DLGAP2: variants seen among roughly 807,000 people sequenced by gnomAD.
The protein encoded by DLGAP2 is disks large-associated protein 2.
DLGAP2 carries 26 observed loss-of-function variants against 100.3 expected under a neutral mutation model. That is an observed-to-expected ratio of 0.26 (90% CI 0.19 to 0.36). DLGAP2 has a LOEUF of 0.36. DLGAP2 is among the 10% of genes least tolerant of loss of function. The pLI, the probability that DLGAP2 is intolerant of heterozygous loss-of-function variation, is 1.00. For synonymous variants in DLGAP2, 886 were observed against 630.1 expected, an observed-to-expected ratio of 1.41 and a Z score of -6.08; for missense variants, 1,858 against 1,453.2, an observed-to-expected ratio of 1.28 and a Z score of -4.53.
rs150741091 is a variant in DLGAP2 at position 1,476,221 on chromosome 8, T to G, written c.107-25145T>G. On this transcript the variant is annotated intron_variant, in intron 3 of 14. Transcript: ENST00000637795. ...GCGTGGCTCGTCCTGGTACATCTCT[T>G]AGCTTTTAGTTCCATTTCTGTACGT... Among the ~76,000 whole-genome samples the G allele has an allele frequency of 5.3e-4, 81 of 152,336 alleles. 1 individual carries two copies. The East Asian group carries it at 0.012, about 22-fold the overall frequency.
intron 2 of DLGAP2, among the ~76,000 whole-genome samples, chr8:1,116,885 G>C (rs1392701912): frequency 1.3e-5 from 2 of 152,206 alleles, no homozygotes; most frequent in African/African-American, 4.8e-5. Flanking sequence ...CTCTGAGTCT[G>C]AACACAGTTG....
chr8:1,543,267 C>G (rs1212882139), intron 4 of DLGAP2, among the ~76,000 whole-genome samples: 1 of 152,088 alleles, frequency 6.6e-6, no homozygotes, highest in African/African-American at 2.4e-5. Flanking sequence ...AAACCATTGC[C>G]TGGTTCACAG....
intron 2 of DLGAP2, among the ~76,000 whole-genome samples, chr8:1,256,104 T>A (rs1480521431): frequency 7.5e-6 from 1 of 133,558 alleles, no homozygotes. Context: ...GGGCGCTGTG[T>A]GTGTGTCCTC....
chr8:1,705,802 CTT>C lies in DLGAP2; in HGVS notation c.*4397_*4398del, dbSNP rs1278949181. The C allele has an allele frequency of 6.6e-6, 1 of 152,106 alleles. No individual in the cohort carries two copies. Among genetic ancestry groups the C allele is most frequent in the Admixed American group, 6.5e-5 (1 of 15,286 alleles). 9.4% of individuals were successfully genotyped at this position (152,106 alleles called of 1,614,324 possible). A position where few individuals can be genotyped will look rare whatever the true frequency, so the allele number is the denominator to read the frequency against. On this transcript the variant is annotated 3_prime_UTR_variant, in exon 15 of 15. Coordinates refer to ENST00000637795, the MANE Select transcript of DLGAP2 (RefSeq NM_001346810.2). Reference sequence around the variant, plus strand: ...GCCCCTGGGAATGTTCCAGGGTTCTCTTGTTTTGATCTGCATGTCTGTTTACA... The same window carrying C: ...GCCCCTGGGAATGTTCCAGGGTTCTCGTTTTGATCTGCATGTCTGTTTACA...
At chr8:1,057,932 A>G (rs540385525) in intron 2 of DLGAP2, among the ~76,000 whole-genome samples, 2 of 152,370 alleles carry the variant, frequency 1.3e-5, no homozygotes, top group East Asian at 3.9e-4. Flanking sequence ...ATTAGGACCC[A>G]GAGACATCAA....
intron 2 of DLGAP2, among the ~76,000 whole-genome samples, chr8:1,125,493 C>T (rs1380286970): frequency 2.0e-5 from 3 of 152,114 alleles, no homozygotes; most frequent in African/African-American, 7.2e-5. Context: ...TGTTTGAATG[C>T]CATATAACCA....
Position 832,480 on chromosome 8 carries a change from G to A in DLGAP2, c.19-75432G>A. ...GCCTGCATTCTTCTGGATTCATTTAGGTGTATCTGTAAGTCAAGGCTCTGC... is the reference window on the plus strand; with the variant it reads ...GCCTGCATTCTTCTGGATTCATTTAAGTGTATCTGTAAGTCAAGGCTCTGC... On this transcript the variant is annotated intron_variant, in intron 1 of 14. Coordinates refer to ENST00000637795, the MANE Select transcript of DLGAP2 (RefSeq NM_001346810.2). 1.3e-5 allele frequency among the ~76,000 whole-genome samples: 2 copies of A among 152,138 alleles called. 1 individual carries two copies. The highest frequency in any genetic ancestry group is 2.9e-5 in the Non-Finnish European group (2 of 68,026).
chr8:1,326,930 T>G (rs1315554070), intron 3 of DLGAP2, among the ~76,000 whole-genome samples: 2 of 152,218 alleles, frequency 1.3e-5, no homozygotes, highest in African/African-American at 4.8e-5. Context: ...AACTGTTACA[T>G]AAGATCAGCC....
Position 848,874 on chromosome 8 carries a change from T to TCTGTTCCAGAATAGGAACGTGCGGTGC in DLGAP2, c.19-59029_19-59028insAATAGGAACGTGCGGTGCCTGTTCCAG, listed in dbSNP as rs1563061826. Reference sequence around the variant, plus strand: ...TGTTCCAGCATAGGATCGCGCGGTGTCTGTTCCAGCATAGGAACGCGCGGT... The same window carrying TCTGTTCCAGAATAGGAACGTGCGGTGC: ...TGTTCCAGCATAGGATCGCGCGGTGTCTGTTCCAGAATAGGAACGTGCGGTGCCTGTTCCAGCATAGGAACGCGCGGT... On this transcript the variant is annotated intron_variant, in intron 1 of 14. Transcript: ENST00000637795. 6.2e-5 allele frequency among the ~76,000 whole-genome samples: 8 copies of TCTGTTCCAGAATAGGAACGTGCGGTGC among 129,870 alleles called. 1 individual carries two copies. The highest frequency in any genetic ancestry group is 1.2e-4 in the Non-Finnish European group (7 of 59,982). 85.2% of individuals were successfully genotyped at this position (129,870 alleles called of 152,430 possible). A position where few individuals can be genotyped will look rare whatever the true frequency, so the allele number is the denominator to read the frequency against.
chr8:1,385,163 G>C (rs1300032538), intron 3 of DLGAP2, among the ~76,000 whole-genome samples: 1 of 72,592 alleles, frequency 1.4e-5, no homozygotes, highest in Non-Finnish European at 2.9e-5. Flanking sequence ...TTGGTGCACA[G>C]TTACCCCGGC....
chr8:1,516,173 C>T (rs1800369466), intron 4 of DLGAP2, among the ~76,000 whole-genome samples: 1 of 141,410 alleles, frequency 7.1e-6, no homozygotes, highest in Admixed American at 6.9e-5. Context: ...GGATGAGTGA[C>T]CAAGTGAGTT....
intron 2 of DLGAP2, among the ~76,000 whole-genome samples, chr8:1,092,944 A>G (rs906414164): frequency 6.6e-6 from 1 of 152,218 alleles, no homozygotes; most frequent in African/African-American, 2.4e-5. Flanking sequence ...GTGGATAAAG[A>G]GAGAGATTGT....
intron 3 of DLGAP2, among the ~76,000 whole-genome samples, chr8:1,357,774 C>T (rs1469635165): frequency 6.6e-6 from 1 of 152,198 alleles, no homozygotes. Context: ...TTCTGAGCAG[C>T]CTCGTAGTGC....
intron 1 of DLGAP2, among the ~76,000 whole-genome samples, chr8:880,850 C>T (rs966266964): frequency 3.9e-5 from 6 of 152,230 alleles, no homozygotes; most frequent in Non-Finnish European, 7.3e-5. Flanking sequence ...CTAAGAAGTT[C>T]CTCCCTCCTA....
intron 2 of DLGAP2, among the ~76,000 whole-genome samples, chr8:1,049,178 A>C (rs1211015043): frequency 2.0e-5 from 3 of 152,204 alleles, no homozygotes; most frequent in Admixed American, 1.3e-4. Context: ...CGATTCCACG[A>C]GACTTCATCC....
intron 2 of DLGAP2, among the ~76,000 whole-genome samples, chr8:1,128,628 G>C (rs1200512061): frequency 6.6e-6 from 1 of 152,186 alleles, no homozygotes; most frequent in Non-Finnish European, 1.5e-5. Flanking sequence ...ACCATGACCA[G>C]ATTGGCCAAC....
intron 2 of DLGAP2, among the ~76,000 whole-genome samples, chr8:1,169,385 G>A (rs1187395412): frequency 1.3e-5 from 2 of 152,084 alleles, no homozygotes; most frequent in African/African-American, 4.8e-5. Context: ...GGTTCCATAT[G>A]AACTTTAAAG....
chr8:1,436,146 C>A lies in DLGAP2; in HGVS notation c.107-65220C>A, dbSNP rs150487994. On this transcript the variant is annotated intron_variant, in intron 3 of 14. Transcript: ENST00000637795. ...TGACTCACAACCACAAGGTGAACTC[C>A]CACCACAAGCCGTCTGCAAGCTGAG... Among the ~76,000 whole-genome samples, 158 of 152,210 alleles carry A rather than the reference C, an allele frequency of 1.0e-3. No individual in the cohort carries two copies. In the East Asian group the frequency reaches 0.017, roughly 16 times the overall value.
At chr8:769,430 C>T (rs1163236700) in intron 1 of DLGAP2, among the ~76,000 whole-genome samples, 1 of 151,948 alleles carries the variant, frequency 6.6e-6, no homozygotes, top group Non-Finnish European at 1.5e-5. Flanking sequence ...TAGCCATTAA[C>T]CCCGAATACA....
Sources: allele counts gnomAD v4.1 joint callset (sites outside exome capture counted in the v4.1 genomes callset), GRCh38; gene constraint gnomAD v4.1.1; transcripts MANE v1.5; gene names NCBI Gene and HGNC (gene_info 2026-07-23, HGNC 2026-07-21).